Variants in HMCN1 observed in about 807,000 individuals in gnomAD.
HMCN1 encodes hemicentin-1.
HMCN1 carries 321 observed loss-of-function variants against 625.9 expected under a neutral mutation model. The ratio of observed to expected loss-of-function variants is 0.51; its 90% confidence interval spans 0.47 to 0.56. The LOEUF is 0.56. Among genes scored for constraint, HMCN1 ranks in the 20% least tolerant of loss-of-function variants. The pLI is 0.00. For synonymous variants in HMCN1, 2,425 were observed against 2,417.6 expected (o/e 1.00, Z -0.09); for missense variants, 6,588 against 6,887.3 (o/e 0.96, Z 1.54).
Position 186,087,257 on chromosome 1 carries a change from T to C in HMCN1, c.9087T>C (p.Asp3029=). Reference sequence around the variant, plus strand: ...AGATTATTCGGGCCAAGGTATCAGATGGTGGTGAATACACTTGTATAGCTA... The same window carrying C: ...AGATTATTCGGGCCAAGGTATCAGACGGTGGTGAATACACTTGTATAGCTA... The part of the protein sequence containing the change: ...TLQIIRAKVS[D]GGEYTCIAIN... Residue 3029 remains aspartate (D), a synonymous_variant, in exon 59 of 107, where the codon GAT becomes GAC. Coordinates refer to ENST00000271588, the MANE Select transcript of HMCN1 (RefSeq NM_031935.3). The C allele has an allele frequency of 1.2e-6, 2 of 1,613,278 alleles. No individual in the cohort carries two copies. The highest frequency in any genetic ancestry group is 3.3e-5 in the Admixed American group (2 of 59,922).
At chr1:186,095,611 C>A in intron 68 of HMCN1, 90 bp downstream of exon 68, 2 of 1,389,830 alleles carry the variant, frequency 1.4e-6, no homozygotes, top group South Asian at 1.4e-5. Flanking sequence ...GAATCAGTTG[C>A]TGTGAGAGAA....
At chr1:185,789,109 C>G (rs532312239) in intron 1 of HMCN1, among the ~76,000 whole-genome samples, 1 of 152,142 alleles carries the variant, frequency 6.6e-6, no homozygotes, top group South Asian at 2.1e-4. Flanking sequence ...ACTTTTCCAC[C>G]ACTGAAATCT....
At chr1:185,929,612 G>A (rs191148060) in intron 10 of HMCN1, among the ~76,000 whole-genome samples, 1 of 152,142 alleles carries the variant, frequency 6.6e-6, no homozygotes, top group East Asian at 1.9e-4. Context: ...ATTGCTTTTA[G>A]TGCTGATGTG....
intron 86 of HMCN1, 117 bp downstream of exon 86, chr1:186,132,526 CTAATT>C (rs1416862009): frequency 1.2e-6 from 1 of 818,134 alleles, no homozygotes; most frequent in Non-Finnish European, 2.0e-6. Context: ...CAGAGTGTGT[CTAATT>C]TAGTTTTCTG....
chr1:185,948,068 A>G (rs1264084318), intron 11 of HMCN1, among the ~76,000 whole-genome samples: 2 of 152,228 alleles, frequency 1.3e-5, no homozygotes, highest in African/African-American at 4.8e-5. Context: ...AGCAGGCTCA[A>G]TGATAGTCAT....
chr1:185,778,991 A>T (rs947186321), intron 1 of HMCN1, among the ~76,000 whole-genome samples: 3 of 152,172 alleles, frequency 2.0e-5, no homozygotes, highest in African/African-American at 7.2e-5. Context: ...ATTTCTCCAC[A>T]TCCTCTCCAG....
In HMCN1 at chr1:186,039,912, C is replaced by T. The variant is rs1175019841; in HGVS notation, c.6180+33C>T. ...CATTCATTTCTTTGGTGACATTTAC[C>T]ACCTGATTATTCAGTACAGGAAGTA... On this transcript the variant is annotated intron_variant, in intron 39 of 106. Transcript: ENST00000271588. 7 of 1,597,344 alleles carry T rather than the reference C, an allele frequency of 4.4e-6. No individual in the cohort carries two copies. The African/African-American group carries it at 8.0e-5, about 18-fold the overall frequency.
At chr1:185,957,459 A>C (rs1293703864) in intron 11 of HMCN1, among the ~76,000 whole-genome samples, 1 of 152,272 alleles carries the variant, frequency 6.6e-6, no homozygotes, top group African/African-American at 2.4e-5. Context: ...ATATAGTAGG[A>C]GTTAAAGGTT....
chr1:185,780,795 T>G (rs1177028559), intron 1 of HMCN1, among the ~76,000 whole-genome samples: 3 of 152,162 alleles, frequency 2.0e-5, no homozygotes, highest in Non-Finnish European at 4.4e-5. Flanking sequence ...TCAAGGATAT[T>G]GGTCTAAAAT....
At chr1:186,172,810 C>A (rs75872871) in intron 102 of HMCN1, among the ~76,000 whole-genome samples, 116 of 152,166 alleles carry the variant, frequency 7.6e-4, no homozygotes, top group Non-Finnish European at 1.4e-3. Flanking sequence ...CACTATACCC[C>A]CTCCCCCCAA....
At chr1:185,778,933 A>G (rs1184093441) in intron 1 of HMCN1, among the ~76,000 whole-genome samples, 1 of 152,202 alleles carries the variant, frequency 6.6e-6, no homozygotes, top group Non-Finnish European at 1.5e-5. Flanking sequence ...TGTCTTCCAC[A>G]ATGGTTGAAC....
intron 22 of HMCN1, among the ~76,000 whole-genome samples, chr1:185,991,215 ATT>A (rs1314427291): frequency 2.0e-5 from 3 of 152,230 alleles, no homozygotes; most frequent in Non-Finnish European, 4.4e-5. Flanking sequence ...TGTTAGAATC[ATT>A]GATATATAAT....
chr1:185,853,809 T>A (rs945329532), intron 2 of HMCN1, among the ~76,000 whole-genome samples: 1 of 151,984 alleles, frequency 6.6e-6, no homozygotes, highest in Non-Finnish European at 1.5e-5. Context: ...GTGATTAGAG[T>A]GGGGTGGATA....
At chr1:186,076,126 ATGCTCCTTCCT>A (rs1658796157) in intron 53 of HMCN1, among the ~76,000 whole-genome samples, 1 of 152,124 alleles carries the variant, frequency 6.6e-6, no homozygotes, top group African/African-American at 2.4e-5. Context: ...TCATTTAGCA[ATGCTCCTTCCT>A]GAGAGTGAGC....
At position 186,175,451 on chromosome 1, in the gene HMCN1, A is replaced by C. The variant is rs554515093; in HGVS notation, c.15943+809A>C. 2.0e-5 allele frequency among the ~76,000 whole-genome samples: 3 copies of C among 152,340 alleles called. No individual in the cohort carries two copies. The South Asian group carries it at 6.2e-4, about 32-fold the overall frequency. On this transcript the variant is annotated intron_variant, in intron 103 of 106. Coordinates refer to ENST00000271588, the MANE Select transcript of HMCN1 (RefSeq NM_031935.3). ...GCTCTGTCTTTATGCAATCCCTAGC[A>C]TAATATTTTGTATGTACCAAATGTT...
Position 186,152,756 on chromosome 1 carries a change from TC to T in HMCN1, c.14904del (p.Leu4969CysfsTer3). On this transcript the variant is annotated frameshift_variant, in exon 96 of 107. Transcript: ENST00000271588. LOFTEE classifies it high-confidence loss of function. ...ETQVEFATGEILQMSHIARGL... is the reference protein window; with the variant it reads ...ETQVEFATGEXLQMSHIARGL... The stretch of plus-strand genomic sequence containing the variant: ...AATGTCTTGTAATTCCCAGGAGAAA[TC>T]TTGCAGATGAGTCATATTGCCCGGG... The T allele has an allele frequency of 6.2e-7, 1 of 1,613,866 alleles. No homozygotes were observed. The highest frequency in any genetic ancestry group is 8.5e-7 in the Non-Finnish European group (1 of 1,179,786).
At position 186,065,448 on chromosome 1, in the gene HMCN1, T is replaced by C. The variant is rs1300840840; in HGVS notation, c.7705+19T>C. 3.2e-6 allele frequency: 5 copies of C among 1,549,132 alleles called. No homozygotes were observed. The highest frequency in any genetic ancestry group is 1.2e-5 in the South Asian group (1 of 81,592). On this transcript the variant is annotated intron_variant, in intron 49 of 106. Transcript: ENST00000271588. ...GTATTTGGTAGGTGTGGGCTTTTCT[T>C]CATATCTTAAAGAATCTGACATGAC...
At chr1:185,746,435 G>C (rs1004730104) in intron 1 of HMCN1, among the ~76,000 whole-genome samples, 1 of 152,154 alleles carries the variant, frequency 6.6e-6, no homozygotes, top group Non-Finnish European at 1.5e-5. Context: ...TCAAGATGTT[G>C]GTAGGGTAGT....
In HMCN1 at chr1:186,093,470, T is replaced by G. The variant is rs754278697; in HGVS notation, c.10013-16T>G. ...TACATCCCTCTTCCCTCTCTCTCAC[T>G]TTCTGCACAACATAGTTACACCTAC... On this transcript the variant is annotated splice_polypyrimidine_tract_variant and intron_variant, in intron 65 of 106. Coordinates refer to ENST00000271588, the MANE Select transcript of HMCN1 (RefSeq NM_031935.3). The G allele has an allele frequency of 6.2e-7, 1 of 1,612,510 alleles. No individual in the cohort carries two copies. Among genetic ancestry groups the G allele is most frequent in the Non-Finnish European group, 8.5e-7 (1 of 1,179,116 alleles).
Sources: gnomAD v4.1 joint callset for allele counts (sites outside exome capture counted in the v4.1 genomes callset) on GRCh38, gnomAD v4.1.1 for gene constraint, MANE v1.5 for transcripts, NCBI Gene and HGNC (gene_info 2026-07-23, HGNC 2026-07-21) for gene names.